SYT9: variants seen among roughly 807,000 people sequenced by gnomAD.
The protein encoded by SYT9 is synaptotagmin-9.
A neutral mutation model predicts 48.4 loss-of-function variants in SYT9; 22 were observed. That is an observed-to-expected ratio of 0.45 (90% CI 0.32 to 0.65). The LOEUF (loss-of-function observed/expected upper bound fraction) is 0.65, where lower values mean the gene tolerates loss of function less well. SYT9 is among the 30% of genes least tolerant of loss of function. The pLI is 0.03. For missense variants in SYT9, 577 were observed against 622.0 expected (o/e 0.93, Z 0.77); for synonymous variants, 265 against 245.0 (o/e 1.08, Z -0.76).
intron 3 of SYT9, among the ~76,000 whole-genome samples, chr11:7,368,051 C>A (rs1850285290): frequency 6.6e-6 from 1 of 152,168 alleles, no homozygotes; most frequent in African/African-American, 2.4e-5. Flanking sequence ...GCAGACCCTG[C>A]AATCTAACCT....
chr11:7,332,342 C>T (rs975094004), intron 3 of SYT9, among the ~76,000 whole-genome samples: 3 of 152,204 alleles, frequency 2.0e-5, no homozygotes, highest in Non-Finnish European at 4.4e-5. Context: ...AGATGGTTCC[C>T]ATCAGCTGAG....
chr11:7,359,804 C>T (rs1485535846), intron 3 of SYT9, among the ~76,000 whole-genome samples: 1 of 150,268 alleles, frequency 6.7e-6, no homozygotes, highest in Non-Finnish European at 1.5e-5. Flanking sequence ...TGTAGGTTGC[C>T]TGTTCACTCT....
intron 3 of SYT9, among the ~76,000 whole-genome samples, chr11:7,353,470 C>T (rs1589966399): frequency 6.6e-6 from 1 of 152,196 alleles, no homozygotes; most frequent in African/African-American, 2.4e-5. Context: ...TTTCCTAGCA[C>T]CTAGATGGCA....
chr11:7,252,383 T>G lies in SYT9; in HGVS notation c.145+52T>G. 2 of 1,372,780 alleles carry G rather than the reference T, an allele frequency of 1.5e-6. No individual in the cohort carries two copies. The highest frequency in any genetic ancestry group is 1.9e-6 in the Non-Finnish European group (2 of 1,062,024). The allele number at this position is 1,372,780 out of a possible 1,614,324, so 85.0% of individuals were successfully genotyped here. On this transcript the variant is annotated intron_variant, in intron 1 of 6. Transcript: ENST00000318881. This position sits in a 1 kb window ranked among gnomAD's most constrained non-coding sequence, Gnocchi z 6.3. ...GGACCTAAGGGCCCTGGGCTGGGAC[T>G]TGGGGCCGCACCGGGGCCTGAGGCA...
At chr11:7,393,827 G>A (rs1211342621) in intron 3 of SYT9, among the ~76,000 whole-genome samples, 1 of 151,722 alleles carries the variant, frequency 6.6e-6, no homozygotes, top group African/African-American at 2.4e-5. Context: ...TTGGGAGGTT[G>A]TGTGTTTCCA....
chr11:7,304,817 G>A (rs542275493), intron 2 of SYT9, among the ~76,000 whole-genome samples: 1 of 152,200 alleles, frequency 6.6e-6, no homozygotes, highest in African/African-American at 2.4e-5. Flanking sequence ...TTCATGCAAT[G>A]TGCAGACTTA....
At chr11:7,451,994 T>G (rs35721243) in intron 6 of SYT9, among the ~76,000 whole-genome samples, 7 of 151,726 alleles carry the variant, frequency 4.6e-5, no homozygotes, top group Non-Finnish European at 8.8e-5. Flanking sequence ...AAAATTAGTC[T>G]GCACACACAA....
intron 3 of SYT9, among the ~76,000 whole-genome samples, chr11:7,382,093 C>A (rs1022428579): frequency 1.3e-5 from 2 of 152,194 alleles, no homozygotes; most frequent in Non-Finnish European, 2.9e-5. Flanking sequence ...GCAGTGTAGG[C>A]ATGAGGATAT....
intron 3 of SYT9, among the ~76,000 whole-genome samples, chr11:7,378,630 AAG>A (rs1451487910): frequency 6.6e-6 from 1 of 151,994 alleles, no homozygotes; most frequent in Non-Finnish European, 1.5e-5. Flanking sequence ...AAAAAAAAAA[AAG>A]AAAAAAAATC....
At chr11:7,440,608 A>G (rs1319160492) in intron 6 of SYT9, 1 of 152,238 alleles carries the variant, frequency 6.6e-6, no homozygotes, top group African/African-American at 2.4e-5. Flanking sequence ...TGAGTGGAAC[A>G]ATGAAAGATG....
chr11:7,297,014 C>T (rs139062602), intron 1 of SYT9, among the ~76,000 whole-genome samples: 38 of 152,148 alleles, frequency 2.5e-4, no homozygotes, highest in African/African-American at 9.2e-4. Context: ...CTGACACACA[C>T]ACAATCATCT....
chr11:7,358,373 G>T (rs915968721), intron 3 of SYT9, among the ~76,000 whole-genome samples: 5 of 151,980 alleles, frequency 3.3e-5, no homozygotes, highest in African/African-American at 4.8e-5. Flanking sequence ...AAATTAGTTT[G>T]CAGATTCTCA....
chr11:7,261,290 T>C (rs1048507633), intron 1 of SYT9, among the ~76,000 whole-genome samples: 2 of 152,174 alleles, frequency 1.3e-5, no homozygotes, highest in African/African-American at 4.8e-5. Flanking sequence ...GAGTTTACGC[T>C]GAAAATTCAG....
intron 3 of SYT9, among the ~76,000 whole-genome samples, chr11:7,402,515 A>G (rs1371441807): frequency 6.6e-6 from 1 of 152,112 alleles, no homozygotes; most frequent in African/African-American, 2.4e-5. Context: ...AAAGTCTGTT[A>G]TTAGATGCAT....
At chr11:7,369,810 C>A (rs867088166) in intron 3 of SYT9, among the ~76,000 whole-genome samples, 1 of 144,780 alleles carries the variant, frequency 6.9e-6, no homozygotes, top group African/African-American at 2.9e-5. Context: ...CACACACACA[C>A]ACACACACAC....
intron 1 of SYT9, among the ~76,000 whole-genome samples, chr11:7,291,177 C>T (rs1261009183): frequency 2.6e-5 from 4 of 152,150 alleles, no homozygotes; most frequent in Non-Finnish European, 5.9e-5. Flanking sequence ...AATCCAAATG[C>T]AAAGGAATCC....
intron 3 of SYT9, among the ~76,000 whole-genome samples, chr11:7,360,202 T>C (rs1004490652): frequency 4.6e-5 from 7 of 152,222 alleles, no homozygotes; most frequent in African/African-American, 1.2e-4. Flanking sequence ...TTCTGCTCCA[T>C]TGATCTATGT....
At chr11:7,460,145 T>A (rs1485071732) in intron 6 of SYT9, among the ~76,000 whole-genome samples, 2 of 152,236 alleles carry the variant, frequency 1.3e-5, no homozygotes, top group Admixed American at 6.5e-5. Context: ...ATTCTTATAA[T>A]AGTACATACC....
chr11:7,259,330 A>G (rs554936479), intron 1 of SYT9, among the ~76,000 whole-genome samples: 4 of 152,276 alleles, frequency 2.6e-5, no homozygotes, highest in African/African-American at 9.6e-5. Context: ...TGTATATTCC[A>G]AGAATGGGTA....
Sources: gnomAD v4.1 joint callset for allele counts (sites outside exome capture counted in the v4.1 genomes callset) on GRCh38, gnomAD v4.1.1 for gene constraint, Gnocchi (gnomAD v3.1) non-coding constraint, MANE v1.5 for transcripts, NCBI Gene and HGNC (gene_info 2026-07-23, HGNC 2026-07-21) for gene names.